PDCL3: variants seen among roughly 807,000 people sequenced by gnomAD.
The protein encoded by PDCL3 is phosducin like 3.
PDCL3 carries 22 observed loss-of-function variants against 26.5 expected under a neutral mutation model. That is an observed-to-expected ratio of 0.83 (90% confidence interval 0.59 to 1.19). PDCL3 has a LOEUF of 1.19. PDCL3 is among the 50% of genes most tolerant of loss of function. PDCL3 has a pLI of 0.00. For synonymous variants in PDCL3, 81 were observed against 104.9 expected (o/e 0.77, Z 1.39); for missense variants, 246 against 294.1 (o/e 0.84, Z 1.20).
chr2:100,568,457 C>T (rs995443634), intron 2 of PDCL3, among the ~76,000 whole-genome samples: 5 of 152,214 alleles, frequency 3.3e-5, no homozygotes, highest in Middle Eastern at 3.4e-3. Flanking sequence ...CATGGTGAAA[C>T]CCTGTCTCTA....
chr2:100,571,463 C>T (rs1675167782), intron 4 of PDCL3, 127 bp from the exon 5 acceptor site: 4 of 839,670 alleles, frequency 4.8e-6, no homozygotes, highest in Non-Finnish European at 7.4e-6. Flanking sequence ...GTTAATTCAT[C>T]TTAGCTAGCA....
intron 1 of PDCL3, among the ~76,000 whole-genome samples, chr2:100,565,295 GAC>G (rs1675039849): frequency 8.6e-6 from 1 of 116,134 alleles, no homozygotes; most frequent in South Asian, 3.0e-4. Context: ...TTTTTTTTGA[GAC>G]AGAGTCTAGC....
At chr2:100,574,599 G>A (rs1011864938) in intron 5 of PDCL3, among the ~76,000 whole-genome samples, 2 of 152,180 alleles carry the variant, frequency 1.3e-5, no homozygotes, top group African/African-American at 2.4e-5. Context: ...TGCCCTCACT[G>A]TGGTGAGAAT....
intron 2 of PDCL3, among the ~76,000 whole-genome samples, chr2:100,567,635 A>AG: frequency 6.6e-6 from 1 of 152,132 alleles, no homozygotes; most frequent in Middle Eastern, 3.4e-3. Flanking sequence ...GTATTCCTGA[A>AG]GGGGGTGACG....
chr2:100,566,458 A>G, intron 1 of PDCL3, 45 bp from the exon 2 acceptor site: 3 of 1,606,718 alleles, frequency 1.9e-6, no homozygotes, highest in Non-Finnish European at 2.5e-6. Context: ...GGCACCCTAC[A>G]TACTAGACTT....
Position 100,569,561 on chromosome 2 carries a change from C to A in PDCL3, c.225-17C>A. On this transcript the variant is annotated splice_polypyrimidine_tract_variant and intron_variant, in intron 3 of 5. Coordinates refer to ENST00000264254, the MANE Select transcript of PDCL3 (RefSeq NM_024065.5). The stretch of plus-strand genomic sequence containing the variant: ...CGTGTTTGTGACGTAAGATGTTTCT[C>A]TCCTTGTTTTGTGCAGACGGCGGAG... The A allele has an allele frequency of 6.2e-7, 1 of 1,609,588 alleles. No homozygotes were observed. The highest frequency in any genetic ancestry group is 1.1e-5 in the South Asian group (1 of 90,516).
chr2:100,573,654 C>G (rs190917873), intron 5 of PDCL3, among the ~76,000 whole-genome samples: 433 of 141,936 alleles, frequency 3.1e-3, no homozygotes, highest in Non-Finnish European at 3.1e-3. Flanking sequence ...GCCTGGGTAA[C>G]GAGCGAAACT....
Position 100,563,009 on chromosome 2 carries a change from G to A in PDCL3, c.-59G>A, listed in dbSNP as rs1674976827. On this transcript the variant is annotated 5_prime_UTR_variant, in exon 1 of 6. Coordinates refer to ENST00000264254, the MANE Select transcript of PDCL3 (RefSeq NM_024065.5). ...CGGCGCTGTGCGCGTGCACAAAAGA[G>A]AGCTGAGGGGCGGGGGCGCTGCGGC... is the stretch of plus-strand genomic sequence containing the variant. 17 of 1,576,622 alleles carry A rather than the reference G, an allele frequency of 1.1e-5. No individual in the cohort carries two copies. Among genetic ancestry groups the A allele is most frequent in the Non-Finnish European group, 1.5e-5 (17 of 1,161,660 alleles).
chr2:100,573,255 G>C (rs1318889952), intron 5 of PDCL3, among the ~76,000 whole-genome samples: 1 of 152,176 alleles, frequency 6.6e-6, no homozygotes, highest in African/African-American at 2.4e-5. Context: ...ACGTGAAGGA[G>C]AACCTCAGCC....
chr2:100,570,024 G>T (rs1200309234), intron 4 of PDCL3, among the ~76,000 whole-genome samples: 1 of 152,064 alleles, frequency 6.6e-6, no homozygotes, highest in Non-Finnish European at 1.5e-5. Context: ...GTGGGAGAAT[G>T]GCATGAACCC....
At chr2:100,569,078 T>A in intron 3 of PDCL3, 57 bp downstream of exon 3, 1 of 1,262,534 alleles carries the variant, frequency 7.9e-7, no homozygotes. Context: ...TTTGTTTTGG[T>A]TTTTTTTTTG....
intron 2 of PDCL3, among the ~76,000 whole-genome samples, chr2:100,567,980 G>T (rs1233150949): frequency 6.6e-6 from 1 of 152,040 alleles, no homozygotes; most frequent in East Asian, 1.9e-4. Flanking sequence ...GTGCCACCAC[G>T]CCTAGGTAAT....
intron 5 of PDCL3, among the ~76,000 whole-genome samples, chr2:100,573,707 GTATAAA>G (rs1158981630): frequency 6.6e-6 from 1 of 150,574 alleles, no homozygotes; most frequent in African/African-American, 2.4e-5. Context: ...GCTGGGGAAA[GTATAAA>G]TATACAAACA....
intron 1 of PDCL3, 44 bp from the exon 2 acceptor site, chr2:100,566,459 T>TA (rs1233270227): frequency 1.2e-6 from 2 of 1,607,344 alleles, no homozygotes; most frequent in Non-Finnish European, 1.7e-6. Flanking sequence ...GCACCCTACA[T>TA]ACTAGACTTA....
chr2:100,574,441 CT>C (rs879348667), intron 5 of PDCL3, among the ~76,000 whole-genome samples: 276 of 142,450 alleles, frequency 1.9e-3, no homozygotes, highest in Middle Eastern at 7.2e-3. Context: ...TCGTGGAACA[CT>C]TTTTTTTTTT....
Position 100,571,743 on chromosome 2 carries a change from C to G in PDCL3, c.522C>G (p.Ile174Met). The G allele has an allele frequency of 1.2e-6, 2 of 1,614,066 alleles. No individual in the cohort carries two copies. Among genetic ancestry groups the G allele is most frequent in the Non-Finnish European group, 1.7e-6 (2 of 1,180,040 alleles). The change falls in exon 5 of 6, where the codon ATC (isoleucine) becomes ATG (methionine). Residue 174 changes from isoleucine (I) to methionine (M), a missense_variant. Ile to Met is a conservative substitution (Grantham distance 10). Coordinates refer to ENST00000264254, the MANE Select transcript of PDCL3 (RefSeq NM_024065.5). ...PTIFVYLEGDIKAQFIGPLVF... is the reference protein window; with the variant it reads ...PTIFVYLEGDMKAQFIGPLVF... The stretch of plus-strand genomic sequence containing the variant: ...TATTTGTTTACCTGGAAGGAGATAT[C>G]AAGGCTCAGTTTATTGGTCCTCTGG...
chr2:100,573,839 C>T (rs902634708), intron 5 of PDCL3, among the ~76,000 whole-genome samples: 2 of 151,566 alleles, frequency 1.3e-5, no homozygotes, highest in Non-Finnish European at 2.9e-5. Context: ...TTTGAATGTA[C>T]CATGAGGGGA....
At chr2:100,564,173 C>G (rs1435752876) in intron 1 of PDCL3, among the ~76,000 whole-genome samples, 1 of 151,604 alleles carries the variant, frequency 6.6e-6, no homozygotes, top group African/African-American at 2.4e-5. Context: ...GGCCTAGACA[C>G]TCTTAAATGG....
At chr2:100,575,222 G>T (rs766702477) in intron 5 of PDCL3, among the ~76,000 whole-genome samples, 3 of 152,050 alleles carry the variant, frequency 2.0e-5, no homozygotes, top group African/African-American at 7.2e-5. Flanking sequence ...TGCAAGCTCC[G>T]CCTCCCACGT....
Sources: allele counts gnomAD v4.1 joint callset (sites outside exome capture counted in the v4.1 genomes callset), GRCh38; gene constraint gnomAD v4.1.1; transcripts MANE v1.5; gene names NCBI Gene and HGNC (gene_info 2026-07-23, HGNC 2026-07-21).